The following PRKN variants were observed in gnomAD, a reference collection of about 807,000 sequenced individuals.
PRKN encodes the protein parkin RBR E3 ubiquitin protein ligase.
A neutral mutation model predicts 59.5 loss-of-function variants in PRKN; 56 were observed. That is an observed-to-expected ratio of 0.94 (90% CI 0.76 to 1.18). The LOEUF (loss-of-function observed/expected upper bound fraction) is 1.18, where lower values mean the gene tolerates loss of function less well. Ranked by LOEUF, PRKN falls within the 50% of genes most tolerant of loss-of-function variation. The pLI, the probability that PRKN is intolerant of heterozygous loss-of-function variation, is 0.00. For missense variants in PRKN, 657 were observed against 596.4 expected, an observed-to-expected ratio of 1.10 and a Z score of -1.06; for synonymous variants, 250 against 222.1, an observed-to-expected ratio of 1.13 and a Z score of -1.12.
At chr6:161,778,322 A>C (rs1000399212) in intron 7 of PRKN, among the ~76,000 whole-genome samples, 1 of 152,040 alleles carries the variant, frequency 6.6e-6, no homozygotes, top group Admixed American at 6.6e-5. Context: ...CTTCATTCAC[A>C]CTCCTAAGTT....
chr6:162,487,070 C>T, intron 1 of PRKN, among the ~76,000 whole-genome samples: 1 of 146,740 alleles, frequency 6.8e-6, no homozygotes, highest in East Asian at 2.0e-4. Flanking sequence ...ACTCTAGTCT[C>T]AAAAAAAAAG....
intron 2 of PRKN, among the ~76,000 whole-genome samples, chr6:162,322,971 A>T (rs1286474887): frequency 2.0e-5 from 3 of 150,726 alleles, no homozygotes; most frequent in Admixed American, 6.7e-5. Context: ...TATCACAAGA[A>T]TGAAAAACCA....
intron 6 of PRKN, among the ~76,000 whole-genome samples, chr6:161,972,012 G>T (rs183107041): frequency 1.8e-4 from 28 of 152,244 alleles, no homozygotes; most frequent in Admixed American, 1.4e-3. Context: ...GGCAGCTCAC[G>T]CCTGTAATCC....
intron 2 of PRKN, among the ~76,000 whole-genome samples, chr6:162,417,607 C>G (rs548005030): frequency 6.6e-6 from 1 of 152,194 alleles, no homozygotes; most frequent in Non-Finnish European, 1.5e-5. Flanking sequence ...AGTTCAAGCA[C>G]TGAGGGCCAG....
rs570125436 is a variant in PRKN at position 161,347,442 on chromosome 6, T to C, written c.*2657A>G. ...CTCTTTTGATGCTTTATTGACAATT[T>C]AAGTACAATCTTAGAGTTGTCAGAT... On this transcript the variant is annotated 3_prime_UTR_variant, in exon 12 of 12. Transcript: ENST00000366898. The C allele has an allele frequency of 6.6e-6, 1 of 152,312 alleles. No individual in the cohort carries two copies. The highest frequency in any genetic ancestry group is 6.5e-5 in the Admixed American group (1 of 15,308). 9.4% of individuals were successfully genotyped at this position (152,312 alleles called of 1,614,324 possible).
intron 7 of PRKN, among the ~76,000 whole-genome samples, chr6:161,762,647 G>A (rs547219489): frequency 4.7e-4 from 71 of 151,988 alleles, no homozygotes; most frequent in Non-Finnish European, 7.4e-4. Flanking sequence ...TACAAAAACC[G>A]GTGGCCACAT....
At chr6:162,659,412 A>G (rs953639674) in intron 1 of PRKN, among the ~76,000 whole-genome samples, 1 of 152,152 alleles carries the variant, frequency 6.6e-6, no homozygotes, top group Non-Finnish European at 1.5e-5. Context: ...GAAAGTTAAC[A>G]TAAGTAATGT....
intron 5 of PRKN, among the ~76,000 whole-genome samples, chr6:162,004,850 C>A (rs1782188913): frequency 1.3e-5 from 2 of 152,090 alleles, no homozygotes; most frequent in African/African-American, 4.8e-5. Flanking sequence ...AAGAAAATTT[C>A]AAGGAAATAG....
At chr6:161,724,851 C>G (rs1787372964) in intron 7 of PRKN, among the ~76,000 whole-genome samples, 1 of 152,090 alleles carries the variant, frequency 6.6e-6, no homozygotes, top group Non-Finnish European at 1.5e-5. Flanking sequence ...ATTGTAATCC[C>G]CAATGCTGGA....
intron 1 of PRKN, among the ~76,000 whole-genome samples, chr6:162,500,042 A>G (rs1003049151): frequency 2.0e-4 from 30 of 152,146 alleles, no homozygotes; most frequent in African/African-American, 7.0e-4. Flanking sequence ...AAGCCATCCA[A>G]TGGTTCATGG....
At position 161,663,646 on chromosome 6, in the gene PRKN, C is replaced by T. The variant is rs530821087; in HGVS notation, c.872-94230G>A. Among the ~76,000 whole-genome samples, 142 of 152,266 alleles carry T rather than the reference C, an allele frequency of 9.3e-4. 1 individual carries two copies. The highest frequency in any genetic ancestry group is 1.3e-3 in the Non-Finnish European group (87 of 68,014). On this transcript the variant is annotated intron_variant, in intron 7 of 11. Transcript: ENST00000366898. ...CTCCAGATGAGTCAGAAATATTAGA[C>T]TTTATCTGTCAGGTTAATGTATTTA...
In PRKN at chr6:161,548,664, A is replaced by G. The variant is rs1231949725; in HGVS notation, c.1083+190T>C. 1 of 612,460 alleles carries G rather than the reference A, an allele frequency of 1.6e-6. No homozygotes were observed. Among genetic ancestry groups the G allele is most frequent in the Non-Finnish European group, 2.9e-6 (1 of 349,950 alleles). 37.9% of individuals were successfully genotyped at this position (612,460 alleles called of 1,614,324 possible). A position where few individuals can be genotyped will look rare whatever the true frequency, so the allele number is the denominator to read the frequency against. ...AAATCTTCATATAACTGTTTTCACCAAAATAAATACATAAATTTTCAAATC... is the reference window on the plus strand; with the variant it reads ...AAATCTTCATATAACTGTTTTCACCGAAATAAATACATAAATTTTCAAATC... On this transcript the variant is annotated intron_variant, in intron 9 of 11. Coordinates refer to ENST00000366898, the MANE Select transcript of PRKN (RefSeq NM_004562.3). This position sits in a 1 kb window ranked among gnomAD's most constrained non-coding sequence, Gnocchi z 4.2.
At chr6:162,694,161 G>A (rs891593169) in intron 1 of PRKN, among the ~76,000 whole-genome samples, 1 of 150,404 alleles carries the variant, frequency 6.6e-6, no homozygotes, top group Non-Finnish European at 1.5e-5. Context: ...GCAGGAGAAT[G>A]GTGTGAATCT....
intron 6 of PRKN, among the ~76,000 whole-genome samples, chr6:161,911,912 T>C (rs1778375562): frequency 3.3e-5 from 5 of 152,132 alleles, no homozygotes. Context: ...GCATGGTAGC[T>C]CATGCCTGTA....
At chr6:162,541,242 G>A (rs527703316) in intron 1 of PRKN, among the ~76,000 whole-genome samples, 1 of 152,338 alleles carries the variant, frequency 6.6e-6, no homozygotes, top group Admixed American at 6.5e-5. Flanking sequence ...AATCTGTTAG[G>A]ATGGTGATGA....
intron 1 of PRKN, among the ~76,000 whole-genome samples, chr6:162,651,343 A>G (rs886705653): frequency 6.6e-6 from 1 of 152,180 alleles, no homozygotes; most frequent in African/African-American, 2.4e-5. Flanking sequence ...GCACACCGTA[A>G]CACACTTACG....
At chr6:162,240,474 T>C (rs1403323495) in intron 3 of PRKN, among the ~76,000 whole-genome samples, 1 of 152,190 alleles carries the variant, frequency 6.6e-6, no homozygotes, top group African/African-American at 2.4e-5. Context: ...ATGTGTCTCA[T>C]GGCTACCTAC....
In PRKN at chr6:161,499,132, ATT is replaced by A. The variant is rs1554267942; in HGVS notation, c.1083+49720_1083+49721del. Among the ~76,000 whole-genome samples, 121 of 136,546 alleles carry A rather than the reference ATT, an allele frequency of 8.9e-4. No individual in the cohort carries two copies. The highest frequency in any genetic ancestry group is 2.8e-3 in the African/African-American group (104 of 36,860). The allele number at this position is 136,546 out of a possible 152,430, so 89.6% of individuals were successfully genotyped here. On this transcript the variant is annotated intron_variant, in intron 9 of 11. Transcript: ENST00000366898. The surrounding 1 kb of genome is among the most constrained non-coding windows in gnomAD (Gnocchi z 4.2). ...AGGGTCTGGACACACACACACACAC[ATT>A]TTTTTTTTTTTTTTGGCTCACAGAG... is the stretch of plus-strand genomic sequence containing the variant.
chr6:161,904,981 T>A (rs946736077), intron 6 of PRKN, among the ~76,000 whole-genome samples: 1 of 152,116 alleles, frequency 6.6e-6, no homozygotes, highest in Non-Finnish European at 1.5e-5. Flanking sequence ...AATTTTTAAC[T>A]CTTACACGGA....
Sources: gnomAD v4.1 joint callset for allele counts (sites outside exome capture counted in the v4.1 genomes callset) on GRCh38, gnomAD v4.1.1 for gene constraint, Gnocchi (gnomAD v3.1) non-coding constraint, MANE v1.5 for transcripts, NCBI Gene and HGNC (gene_info 2026-07-23, HGNC 2026-07-21) for gene names.